The following KIF26B variants were observed in gnomAD, a reference collection of about 807,000 sequenced individuals.
KIF26B encodes the protein kinesin family member 26B, also known as kinesin-like protein KIF26B.
KIF26B carries 63 observed loss-of-function variants against 151.2 expected under a neutral mutation model. That is an observed-to-expected ratio of 0.42 (90% CI 0.34 to 0.51). The LOEUF (loss-of-function observed/expected upper bound fraction) is 0.51, where lower values mean the gene tolerates loss of function less well. Among genes scored for constraint, KIF26B ranks in the 20% least tolerant of loss-of-function variants. The pLI is 0.07. For synonymous variants in KIF26B, 1,357 were observed against 1,262.1 expected (o/e 1.08, Z -1.59); for missense variants, 2,813 against 2,913.6 (o/e 0.97, Z 0.79).
intron 6 of KIF26B, 106 bp from the exon 7 acceptor site, chr1:245,607,545 T>G (rs923893027): frequency 5.3e-5 from 45 of 850,860 alleles, no homozygotes; most frequent in Non-Finnish European, 1.8e-6. Flanking sequence ...GGGAACACAG[T>G]GACACTGGGA....
At chr1:245,600,707 C>G (rs2043387143) in intron 5 of KIF26B, among the ~76,000 whole-genome samples, 1 of 152,018 alleles carries the variant, frequency 6.6e-6, no homozygotes, top group Admixed American at 6.6e-5. Context: ...GCGTGGCACC[C>G]ATGCCTGTAA....
chr1:245,337,887 CCTT>C (rs1411524876), intron 2 of KIF26B, among the ~76,000 whole-genome samples: 1 of 152,180 alleles, frequency 6.6e-6, no homozygotes, highest in Non-Finnish European at 1.5e-5. Context: ...AGCCAGGTCT[CCTT>C]TAGATAGCGT....
At chr1:245,578,701 T>C (rs76412636) in intron 5 of KIF26B, among the ~76,000 whole-genome samples, 8,057 of 152,290 alleles carry the variant, frequency 0.053, 485 homozygotes, top group African/African-American at 0.14. Context: ...ATTCTGTTAC[T>C]GGGGCTGTGG....
At position 245,488,790 on chromosome 1, in the gene KIF26B, AG is replaced by A. The variant is rs1660336723; in HGVS notation, c.1167-51976del. On this transcript the variant is annotated intron_variant, in intron 4 of 14. Coordinates refer to ENST00000407071, the MANE Select transcript of KIF26B (RefSeq NM_018012.4). The surrounding 1 kb of genome is among the most constrained non-coding windows in gnomAD (Gnocchi z 4.6). ...CATTTGCATTTCAGACACTAAAATCAGAGGGCAGATCTTTAAGAGGTTAATT... is the reference window on the plus strand; with the variant it reads ...CATTTGCATTTCAGACACTAAAATCAAGGGCAGATCTTTAAGAGGTTAATT... Among the ~76,000 whole-genome samples, 1 of 152,224 alleles carries A rather than the reference AG, an allele frequency of 6.6e-6. No individual in the cohort carries two copies. Among genetic ancestry groups the A allele is most frequent in the Non-Finnish European group, 1.5e-5 (1 of 68,048 alleles).
rs1474816776 is a variant in KIF26B at position 245,702,288 on chromosome 1, A to G, written c.6179-170A>G. On this transcript the variant is annotated intron_variant, in intron 14 of 14. Transcript: ENST00000407071. This position sits in a 1 kb window ranked among gnomAD's most constrained non-coding sequence, Gnocchi z 4.1. ...GGTAAAGAGTGTTCCTTTCAACCCA[A>G]AAGAGGCCGAGAATCAGGCAGGAGG... Among the ~76,000 whole-genome samples the G allele has an allele frequency of 1.3e-5, 2 of 152,102 alleles. 1 individual carries two copies. Among genetic ancestry groups the G allele is most frequent in the Non-Finnish European group, 2.9e-5 (2 of 68,008 alleles).
intron 5 of KIF26B, among the ~76,000 whole-genome samples, chr1:245,562,041 C>T (rs186222792): frequency 1.2e-4 from 19 of 152,204 alleles, no homozygotes; most frequent in African/African-American, 4.3e-4. Flanking sequence ...CCCAGATGAC[C>T]TGGGGGGCAT....
At chr1:245,432,835 T>C (rs967314120) in intron 4 of KIF26B, among the ~76,000 whole-genome samples, 1 of 152,166 alleles carries the variant, frequency 6.6e-6, no homozygotes, top group African/African-American at 2.4e-5. Context: ...GAAGGAGGAA[T>C]GTAAGGGGGA....
chr1:245,422,075 A>G (rs1211840646), intron 4 of KIF26B, among the ~76,000 whole-genome samples: 1 of 152,174 alleles, frequency 6.6e-6, no homozygotes, highest in Non-Finnish European at 1.5e-5. Flanking sequence ...CAGAACGACA[A>G]GGGCTTGCAG....
At chr1:245,445,157 AG>A (rs1174576457) in intron 4 of KIF26B, among the ~76,000 whole-genome samples, 1 of 152,200 alleles carries the variant, frequency 6.6e-6, no homozygotes, top group Non-Finnish European at 1.5e-5. Flanking sequence ...AGCGGAGACA[AG>A]AAGGCATTTT....
At chr1:245,250,634 G>A (rs530993807) in intron 2 of KIF26B, among the ~76,000 whole-genome samples, 1 of 152,178 alleles carries the variant, frequency 6.6e-6, no homozygotes, top group East Asian at 1.9e-4. Flanking sequence ...CTAAAATCCT[G>A]CCATCCTCAG....
At chr1:245,654,588 A>C (rs1194728237) in intron 10 of KIF26B, among the ~76,000 whole-genome samples, 1 of 152,148 alleles carries the variant, frequency 6.6e-6, no homozygotes, top group African/African-American at 2.4e-5. Flanking sequence ...GCCACTTCCC[A>C]CGCCGCACTG....
At chr1:245,220,251 T>C (rs1255269605) in intron 2 of KIF26B, among the ~76,000 whole-genome samples, 1 of 152,202 alleles carries the variant, frequency 6.6e-6, no homozygotes, top group Non-Finnish European at 1.5e-5. Context: ...TAATCACCGA[T>C]AGGAAAGTCA....
intron 3 of KIF26B, among the ~76,000 whole-genome samples, chr1:245,397,125 A>G (rs777697113): frequency 1.8e-4 from 28 of 152,052 alleles, no homozygotes; most frequent in Non-Finnish European, 3.4e-4. Context: ...ACGCCCAGCT[A>G]ATTTTTGTAT....
At chr1:245,251,257 C>T (rs1174510550) in intron 2 of KIF26B, among the ~76,000 whole-genome samples, 1 of 152,210 alleles carries the variant, frequency 6.6e-6, no homozygotes, top group Non-Finnish European at 1.5e-5. Flanking sequence ...CAGTGAGTCA[C>T]TCTTACCAGT....
intron 2 of KIF26B, among the ~76,000 whole-genome samples, chr1:245,339,098 C>T (rs1672288796): frequency 6.6e-6 from 1 of 152,024 alleles, no homozygotes; most frequent in Non-Finnish European, 1.5e-5. Flanking sequence ...CTGCCTCAGC[C>T]TCCTGAGTAG....
intron 4 of KIF26B, among the ~76,000 whole-genome samples, chr1:245,445,707 G>A (rs1201115299): frequency 6.6e-6 from 1 of 152,182 alleles, no homozygotes; most frequent in African/African-American, 2.4e-5. Flanking sequence ...GCTGGTCACC[G>A]AGTATCCGCC....
intron 2 of KIF26B, 28 bp from the exon 3 acceptor site, chr1:245,366,806 C>T: frequency 1.2e-6 from 2 of 1,606,138 alleles, no homozygotes; most frequent in Non-Finnish European, 1.7e-6. Flanking sequence ...TATAGAATCT[C>T]CTCTCCCTCT....
chr1:245,273,668 T>A (rs373614380), intron 2 of KIF26B, among the ~76,000 whole-genome samples: 7 of 152,226 alleles, frequency 4.6e-5, no homozygotes, highest in African/African-American at 1.4e-4. Context: ...TTGTGTGATA[T>A]AAGTATGGTC....
chr1:245,549,784 ATTC>A (rs1371412655), intron 5 of KIF26B, among the ~76,000 whole-genome samples: 4 of 133,906 alleles, frequency 3.0e-5, no homozygotes, highest in Non-Finnish European at 6.9e-5. Flanking sequence ...ATTCCGATAC[ATTC>A]TTTTTTTTTT....
Sources: gnomAD v4.1 joint callset for allele counts (sites outside exome capture counted in the v4.1 genomes callset) on GRCh38, gnomAD v4.1.1 for gene constraint, Gnocchi (gnomAD v3.1) non-coding constraint, MANE v1.5 for transcripts, NCBI Gene and HGNC (gene_info 2026-07-23, HGNC 2026-07-21) for gene names.